Variants in LATS2 observed in about 807,000 individuals in gnomAD.
LATS2 encodes serine/threonine-protein kinase LATS2.
LATS2 carries 24 observed loss-of-function variants against 76.0 expected under a neutral mutation model. The observed-to-expected ratio is 0.32, with a 90% confidence interval of 0.23 to 0.44. The LOEUF (loss-of-function observed/expected upper bound fraction) is 0.44, where lower values mean the gene tolerates loss of function less well. Ranked by LOEUF, LATS2 falls within the 20% of genes least tolerant of loss-of-function variation. LATS2 has a pLI of 1.00. For synonymous variants in LATS2, 692 were observed against 635.4 expected (o/e 1.09, Z -1.34); for missense variants, 1,286 against 1,481.2 (o/e 0.87, Z 2.16).
rs1315616408 is a variant in LATS2 at position 20,988,440 on chromosome 13, A to C, written c.1340T>G (p.Val447Gly). The C allele has an allele frequency of 1.3e-6, 2 of 1,510,186 alleles. No homozygotes were observed. The highest frequency in any genetic ancestry group is 8.8e-7 in the Non-Finnish European group (1 of 1,136,582). The allele number at this position is 1,510,186 out of a possible 1,614,324, so 93.5% of individuals were successfully genotyped here. Residue 447 changes from valine (V) to glycine (G), a missense_variant, in exon 4 of 8, where the codon GTG (valine) becomes GGG (glycine). Around this residue, in one of 5 missense-constraint regions of LATS2, gnomAD observed 710 missense variants for 660.9 expected, o/e 1.07. Coordinates refer to ENST00000382592, the MANE Select transcript of LATS2 (RefSeq NM_014572.3). Reference protein sequence around the residue: ...AAHILHPVKSVRVLRPEPQTA... With the variant: ...AAHILHPVKSGRVLRPEPQTA... ...CTGCGGCTCCGGCCTCAGCACACGC[A>C]CGCTCTTCACCGGGTGCAAGATGTG...
At chr13:21,011,438 C>A (rs1158904972) in intron 2 of LATS2, among the ~76,000 whole-genome samples, 1 of 152,128 alleles carries the variant, frequency 6.6e-6, no homozygotes, top group Non-Finnish European at 1.5e-5. Context: ...GGTCACTGTA[C>A]CCACAAGTGG....
intron 2 of LATS2, among the ~76,000 whole-genome samples, chr13:20,997,002 G>A (rs11147934): frequency 0.076 from 11,601 of 152,248 alleles, 935 homozygotes; most frequent in East Asian, 0.41. Flanking sequence ...TCTGGAGAGC[G>A]GTGACATGCA....
At chr13:21,025,020 T>A (rs1872253223) in intron 2 of LATS2, among the ~76,000 whole-genome samples, 1 of 152,134 alleles carries the variant, frequency 6.6e-6, no homozygotes, top group Non-Finnish European at 1.5e-5. Flanking sequence ...GATTCATTGA[T>A]TTTTATATAT....
rs537911668 is a variant in LATS2, at chr13:21,018,764, C to T, written c.342+26921G>A. On this transcript the variant is annotated intron_variant, in intron 2 of 7. Coordinates refer to ENST00000382592, the MANE Select transcript of LATS2 (RefSeq NM_014572.3). ...CACCTCCTGGGTTCAAGTGATTCTC[C>T]TGCTTCAGCCTCCTGAGTATATAGG... is the stretch of plus-strand genomic sequence containing the variant. 8.5e-5 allele frequency among the ~76,000 whole-genome samples: 13 copies of T among 152,276 alleles called. No homozygotes were observed. The East Asian group carries it at 1.2e-3, about 14-fold the overall frequency.
chr13:20,985,033 G>C (rs1227001220), intron 4 of LATS2, among the ~76,000 whole-genome samples: 2 of 152,162 alleles, frequency 1.3e-5, no homozygotes, highest in African/African-American at 4.8e-5. Flanking sequence ...TGACAACGGT[G>C]CCAAGAATGT....
chr13:21,037,810 T>C (rs967785100), intron 2 of LATS2, among the ~76,000 whole-genome samples: 4 of 145,330 alleles, frequency 2.8e-5, no homozygotes, highest in Admixed American at 6.7e-5. Context: ...AGGGCCAGGG[T>C]GGTCAGGACC....
At chr13:21,020,497 T>C (rs969655930) in intron 2 of LATS2, among the ~76,000 whole-genome samples, 1 of 149,646 alleles carries the variant, frequency 6.7e-6, no homozygotes, top group Non-Finnish European at 1.5e-5. Flanking sequence ...ATTTTTAATT[T>C]ACAAGACCTT....
intron 2 of LATS2, among the ~76,000 whole-genome samples, chr13:20,993,332 G>A (rs1337648287): frequency 6.6e-6 from 1 of 152,196 alleles, no homozygotes; most frequent in Non-Finnish European, 1.5e-5. Context: ...ACAGTGCCTA[G>A]AACAAATTAA....
intron 4 of LATS2, among the ~76,000 whole-genome samples, chr13:20,984,833 T>C (rs1207237373): frequency 1.3e-5 from 2 of 152,120 alleles, no homozygotes; most frequent in African/African-American, 4.8e-5. Flanking sequence ...AATACTAAAA[T>C]TCACAGGGAG....
At chr13:21,019,105 T>A (rs1871930392) in intron 2 of LATS2, among the ~76,000 whole-genome samples, 1 of 151,984 alleles carries the variant, frequency 6.6e-6, no homozygotes, top group African/African-American at 2.4e-5. Context: ...TCTAAGGGAG[T>A]TCCCTAATTA....
rs76337709 is a variant in LATS2, at chr13:21,053,492, C to T, written c.-204-7262G>A. ...CCCCATCTACTCCCAGGCATGTGCA[C>T]ACAGGCCCACGCAACATCTGTTGAA... On this transcript the variant is annotated intron_variant, in intron 1 of 7. Coordinates refer to ENST00000382592, the MANE Select transcript of LATS2 (RefSeq NM_014572.3). Among the ~76,000 whole-genome samples the T allele has an allele frequency of 4.2e-3, 642 of 152,232 alleles. 8 individuals carry two copies. The highest frequency in any genetic ancestry group is 0.015 in the African/African-American group (616 of 41,530).
At chr13:21,019,693 G>A (rs1285579271) in intron 2 of LATS2, among the ~76,000 whole-genome samples, 6 of 144,708 alleles carry the variant, frequency 4.1e-5, no homozygotes, top group Admixed American at 6.9e-5. Context: ...AAAAAAGGCG[G>A]CTGGGCGTGG....
chr13:21,049,980 G>C (rs1280311637), intron 1 of LATS2, among the ~76,000 whole-genome samples: 1 of 151,940 alleles, frequency 6.6e-6, no homozygotes, highest in Non-Finnish European at 1.5e-5. Flanking sequence ...AATTAGCCAG[G>C]TGTGACAGCA....
At chr13:21,052,324 G>C (rs1351240804) in intron 1 of LATS2, among the ~76,000 whole-genome samples, 1 of 152,142 alleles carries the variant, frequency 6.6e-6, no homozygotes, top group African/African-American at 2.4e-5. Context: ...CACAGAAACA[G>C]GTTGCTTGCT....
At position 21,028,873 on chromosome 13, in the gene LATS2, TC is replaced by T. The variant is rs573437361; in HGVS notation, c.342+16811del. Reference sequence around the variant, plus strand: ...GTGAGCCACCGTACCCGGCCAAATTTCAACTTTCAAGTGTTCATTGCTAGTT... The same window carrying T: ...GTGAGCCACCGTACCCGGCCAAATTTAACTTTCAAGTGTTCATTGCTAGTT... On this transcript the variant is annotated intron_variant, in intron 2 of 7. Coordinates refer to ENST00000382592, the MANE Select transcript of LATS2 (RefSeq NM_014572.3). Among the ~76,000 whole-genome samples, 33 of 152,228 alleles carry T rather than the reference TC, an allele frequency of 2.2e-4. No individual in the cohort carries two copies. The East Asian group carries it at 6.2e-3, about 28-fold the overall frequency.
chr13:21,032,545 G>C (rs7985354), intron 2 of LATS2, among the ~76,000 whole-genome samples: 97,853 of 152,084 alleles, frequency 0.64, 33,129 homozygotes, highest in Non-Finnish European at 0.76. Flanking sequence ...GGATTATAGG[G>C]GTGAGCCACT....
At chr13:21,033,284 G>C (rs983734883) in intron 2 of LATS2, among the ~76,000 whole-genome samples, 1 of 152,094 alleles carries the variant, frequency 6.6e-6, no homozygotes, top group African/African-American at 2.4e-5. Flanking sequence ...AGGGGGTAGA[G>C]GGGCGAGAGA....
intron 2 of LATS2, among the ~76,000 whole-genome samples, chr13:21,009,213 G>C (rs1430770166): frequency 1.3e-5 from 2 of 152,186 alleles, no homozygotes; most frequent in African/African-American, 4.8e-5. Flanking sequence ...ATGTGCAAAG[G>C]TACAGCTCTT....
intron 2 of LATS2, among the ~76,000 whole-genome samples, chr13:21,015,955 T>A (rs554306645): frequency 5.9e-5 from 9 of 151,444 alleles, no homozygotes; most frequent in Non-Finnish European, 8.8e-5. Flanking sequence ...CACCTCGGCC[T>A]CCCAAAGTGT....
Sources: allele counts gnomAD v4.1 joint callset (sites outside exome capture counted in the v4.1 genomes callset), GRCh38; gene constraint gnomAD v4.1.1; regional missense constraint gnomAD v4.1.1; transcripts MANE v1.5; gene names NCBI Gene and HGNC (gene_info 2026-07-23, HGNC 2026-07-21).